The following PPP2R2B variants were observed in gnomAD, a reference collection of about 807,000 sequenced individuals.
PPP2R2B encodes protein phosphatase 2 regulatory subunit Bbeta.
Under a neutral mutation model 46.0 loss-of-function variants are expected in PPP2R2B, and 5 were observed. That is an observed-to-expected ratio of 0.11 (90% CI 0.06 to 0.23). The LOEUF is 0.23. Ranked by LOEUF, PPP2R2B falls within the 10% of genes least tolerant of loss-of-function variation. The pLI is 1.00. For missense variants in PPP2R2B, 367 were observed against 575.0 expected, an observed-to-expected ratio of 0.64 and a Z score of 3.70; for synonymous variants, 215 against 206.7, an observed-to-expected ratio of 1.04 and a Z score of -0.34.
intron 5 of PPP2R2B, among the ~76,000 whole-genome samples, chr5:146,684,802 G>A (rs1778387036): frequency 6.6e-6 from 1 of 152,156 alleles, no homozygotes; most frequent in Non-Finnish European, 1.5e-5. Flanking sequence ...ACCTGCACCA[G>A]AATCACCTGG....
At chr5:146,913,710 C>T (rs1763274868) in intron 1 of PPP2R2B, among the ~76,000 whole-genome samples, 1 of 152,104 alleles carries the variant, frequency 6.6e-6, no homozygotes, top group South Asian at 2.1e-4. Context: ...ATTTGAGGAA[C>T]GCTCTCTAAT....
intron 5 of PPP2R2B, among the ~76,000 whole-genome samples, chr5:146,660,452 G>A (rs1395819934): frequency 3.3e-5 from 5 of 152,020 alleles, no homozygotes; most frequent in Admixed American, 6.6e-5. Flanking sequence ...TTAGTGGAGC[G>A]TTAAACCTCA....
intron 2 of PPP2R2B, among the ~76,000 whole-genome samples, chr5:146,808,139 C>T (rs889787177): frequency 9.9e-5 from 15 of 152,088 alleles, no homozygotes; most frequent in African/African-American, 3.1e-4. Context: ...TTTGTGTCCT[C>T]ACATCATTCT....
intron 1 of PPP2R2B, among the ~76,000 whole-genome samples, chr5:147,022,126 C>T (rs1357057448): frequency 2.0e-5 from 3 of 151,910 alleles, no homozygotes; most frequent in Non-Finnish European, 4.4e-5. Context: ...CAAACTAAAA[C>T]ATTAAAAAGT....
At chr5:146,911,958 C>T (rs539424981) in intron 1 of PPP2R2B, among the ~76,000 whole-genome samples, 23 of 152,262 alleles carry the variant, frequency 1.5e-4, no homozygotes, top group African/African-American at 2.2e-4. Flanking sequence ...CCCTAAGAGG[C>T]CAGGTGCAGT....
intron 2 of PPP2R2B, among the ~76,000 whole-genome samples, chr5:146,732,001 C>A (rs1168368975): frequency 6.6e-6 from 1 of 152,148 alleles, no homozygotes; most frequent in Non-Finnish European, 1.5e-5. Flanking sequence ...GGTCCAGGAA[C>A]TTTTTCCCGT....
chr5:146,885,933 A>G (rs1762305862), intron 1 of PPP2R2B, among the ~76,000 whole-genome samples: 1 of 152,172 alleles, frequency 6.6e-6, no homozygotes, highest in Non-Finnish European at 1.5e-5. Context: ...AACTGCTTAG[A>G]CAGAGAAAGT....
chr5:146,910,968 G>A (rs959866582), intron 1 of PPP2R2B, among the ~76,000 whole-genome samples: 7 of 152,048 alleles, frequency 4.6e-5, no homozygotes, highest in Non-Finnish European at 8.8e-5. Flanking sequence ...TACATAGGCT[G>A]TTCCCAGTCT....
rs1369895441 is a variant in PPP2R2B, at chr5:146,878,417, G to T, written c.-125+174C>A. On this transcript the variant is annotated intron_variant, in intron 1 of 9. Coordinates refer to ENST00000394411, the MANE Select transcript of PPP2R2B (RefSeq NM_181675.4). This position sits in a 1 kb window ranked among gnomAD's most constrained non-coding sequence, Gnocchi z 4.5. The stretch of plus-strand genomic sequence containing the variant: ...TCTGGTCCCGCCCGCCCGCCCCGGA[G>T]GCGCTCACAAGCGGGTCTGGGGAGA... 7.1e-7 allele frequency: 1 copy of T among 1,418,102 alleles called. No homozygotes were observed. Among genetic ancestry groups the T allele is most frequent in the Admixed American group, 2.9e-5 (1 of 34,038 alleles). The allele number at this position is 1,418,102 out of a possible 1,614,324, so 87.8% of individuals were successfully genotyped here. A position where few individuals can be genotyped will look rare whatever the true frequency, so the allele number is the denominator to read the frequency against.
Position 146,650,709 on chromosome 5 carries a change from G to A in PPP2R2B, c.463C>T (p.Pro155Ser). Residue 155 changes from proline to serine, a missense_variant, in exon 6 of 10, where the codon CCC becomes TCC. This residue lies in a region of PPP2R2B where 361 missense variants were observed against 545.5 expected (regional missense o/e 0.66). Transcript: ENST00000394411. ...ITTLRVPVLR[P>S]MDLMVEATPR... ...GTGGCCTCCACCATCAGGTCCATGG[G>A]TCTCAGGACAGGCACCTGGGATGCA... The A allele has an allele frequency of 6.2e-7, 1 of 1,613,494 alleles. No individual in the cohort carries two copies. The highest frequency in any genetic ancestry group is 8.5e-7 in the Non-Finnish European group (1 of 1,179,768).
At chr5:146,883,592 T>C (rs1256622467), upstream of PPP2R2B, among the ~76,000 whole-genome samples, 3 of 152,234 alleles carry the variant, frequency 2.0e-5, no homozygotes, top group African/African-American at 7.2e-5. Context: ...TGTGCAGACC[T>C]AGTCACATTT....
intron 1 of PPP2R2B, among the ~76,000 whole-genome samples, chr5:147,025,002 T>G (rs1422756067): frequency 6.6e-6 from 1 of 151,620 alleles, no homozygotes; most frequent in Non-Finnish European, 1.5e-5. Context: ...ATAGGCCCTT[T>G]GAAAAAAACA....
intron 2 of PPP2R2B, among the ~76,000 whole-genome samples, chr5:146,803,460 T>C (rs1756985638): frequency 1.3e-5 from 2 of 152,226 alleles, no homozygotes; most frequent in African/African-American, 4.8e-5. Context: ...GTTATGAGAA[T>C]CTAACCAGTT....
At chr5:146,949,911 G>C (rs1764598741) in intron 1 of PPP2R2B, among the ~76,000 whole-genome samples, 1 of 152,018 alleles carries the variant, frequency 6.6e-6, no homozygotes, top group African/African-American at 2.4e-5. Flanking sequence ...GCCAGGCACA[G>C]AAAGACAAAC....
intron 2 of PPP2R2B, among the ~76,000 whole-genome samples, chr5:146,726,800 G>A (rs113503010): frequency 3.0e-4 from 46 of 152,220 alleles, no homozygotes; most frequent in African/African-American, 9.9e-4. Flanking sequence ...ATCCAAAGTC[G>A]CTTATGTTCA....
intron 2 of PPP2R2B, among the ~76,000 whole-genome samples, chr5:146,828,092 T>C (rs1582205482): frequency 6.6e-6 from 1 of 151,922 alleles, no homozygotes; most frequent in Admixed American, 6.6e-5. Flanking sequence ...GCTGCTGCAA[T>C]AGTTGCAACT....
intron 2 of PPP2R2B, among the ~76,000 whole-genome samples, chr5:146,777,256 T>C (rs746651664): frequency 6.6e-6 from 1 of 152,094 alleles, no homozygotes; most frequent in Non-Finnish European, 1.5e-5. Context: ...ATAAATAAAA[T>C]GTGGCGCATA....
intron 2 of PPP2R2B, among the ~76,000 whole-genome samples, chr5:147,077,621 A>AGTATT (rs1757828356): frequency 6.6e-6 from 1 of 152,134 alleles, no homozygotes; most frequent in Non-Finnish European, 1.5e-5. Flanking sequence ...CACTCAACAA[A>AGTATT]TACTCAACTT....
At chr5:146,824,681 A>C (rs1758462120) in intron 2 of PPP2R2B, among the ~76,000 whole-genome samples, 1 of 152,114 alleles carries the variant, frequency 6.6e-6, no homozygotes, top group South Asian at 2.1e-4. Context: ...AAAACTCTTC[A>C]TAATAATTAA....
Sources: allele counts gnomAD v4.1 joint callset (sites outside exome capture counted in the v4.1 genomes callset), GRCh38; gene constraint gnomAD v4.1.1; regional missense constraint gnomAD v4.1.1; non-coding constraint Gnocchi (gnomAD v3.1); transcripts MANE v1.5; gene names NCBI Gene and HGNC (gene_info 2026-07-23, HGNC 2026-07-21).